Variants in ROBO2 observed in about 807,000 individuals in gnomAD.
ROBO2 encodes the protein roundabout guidance receptor 2, also known as roundabout homolog 2.
In ROBO2, 53 loss-of-function variants were observed where a neutral mutation model predicts 160.8. The ratio of observed to expected loss-of-function variants is 0.33; its 90% CI spans 0.26 to 0.41. The LOEUF is 0.41. Ranked by LOEUF, ROBO2 falls within the 10% of genes least tolerant of loss-of-function variation. The pLI is 1.00. For synonymous variants in ROBO2, 664 were observed against 611.7 expected (o/e 1.09, Z -1.26); for missense variants, 1,577 against 1,722.4 (o/e 0.92, Z 1.49).
rs2071697391 is a variant in ROBO2 at position 76,869,113 on chromosome 3, A to G, written c.110-228901A>G. Among the ~76,000 whole-genome samples the G allele has an allele frequency of 2.0e-5, 3 of 152,090 alleles. No individual in the cohort carries two copies. The South Asian group carries it at 6.2e-4, about 32-fold the overall frequency. On this transcript the variant is annotated intron_variant, in intron 2 of 26. Coordinates refer to the ROBO2 transcript ENST00000487694. ...GAATAGACACAATCATGCTTATTCT[A>G]TAAATGAAGAAACTGAGGCACAGAT...
intron 2 of ROBO2, among the ~76,000 whole-genome samples, chr3:76,061,522 C>G (rs2068068776): frequency 6.6e-6 from 1 of 152,046 alleles, no homozygotes; most frequent in Non-Finnish European, 1.5e-5. Flanking sequence ...GAGTTATAAA[C>G]AGAGTTGTTT....
chr3:76,724,452 T>C (rs2093515399), intron 2 of ROBO2, among the ~76,000 whole-genome samples: 1 of 152,206 alleles, frequency 6.6e-6, no homozygotes, highest in Non-Finnish European at 1.5e-5. Flanking sequence ...ACCATATTTG[T>C]TATTCTCCAC....
chr3:76,401,857 G>C (rs967811756), intron 2 of ROBO2, among the ~76,000 whole-genome samples: 3 of 151,422 alleles, frequency 2.0e-5, no homozygotes, highest in African/African-American at 7.3e-5. Flanking sequence ...ACATGTTCTA[G>C]TTTGCACAAT....
intron 2 of ROBO2, among the ~76,000 whole-genome samples, chr3:76,768,317 C>G (rs796316247): frequency 5.9e-5 from 9 of 151,490 alleles, no homozygotes; most frequent in African/African-American, 2.2e-4. Context: ...ATAATTTGCT[C>G]CAGGCAGCAT....
At chr3:77,162,006 A>C (rs2078536533) in intron 2 of ROBO2, among the ~76,000 whole-genome samples, 1 of 152,164 alleles carries the variant, frequency 6.6e-6, no homozygotes, top group Admixed American at 6.5e-5. Context: ...TTAAAAAGTC[A>C]TCTTTTTCTA....
intron 2 of ROBO2, among the ~76,000 whole-genome samples, chr3:76,910,719 C>A: frequency 9.5e-6 from 1 of 105,528 alleles, no homozygotes; most frequent in Non-Finnish European, 1.8e-5. Context: ...GAGTGAAACT[C>A]TGTCTCAAAA....
At chr3:76,805,103 G>T (rs2064571190) in intron 2 of ROBO2, among the ~76,000 whole-genome samples, 1 of 152,060 alleles carries the variant, frequency 6.6e-6, no homozygotes. Context: ...AAGCATAGTA[G>T]GCTCAGGGTA....
intron 1 of ROBO2, among the ~76,000 whole-genome samples, chr3:75,915,505 G>A (rs1027185662): frequency 6.6e-6 from 1 of 152,184 alleles, no homozygotes; most frequent in African/African-American, 2.4e-5. Flanking sequence ...ATAGTTCACA[G>A]TATTGTAACT....
intron 2 of ROBO2, among the ~76,000 whole-genome samples, chr3:76,962,436 C>T (rs1205244216): frequency 2.0e-5 from 3 of 151,870 alleles, no homozygotes; most frequent in South Asian, 4.2e-4. Context: ...GTCAGGATTT[C>T]GAGACCAGCC....
intron 2 of ROBO2, among the ~76,000 whole-genome samples, chr3:76,735,696 A>T (rs946133431): frequency 1.4e-5 from 2 of 144,686 alleles, no homozygotes; most frequent in Admixed American, 7.1e-5. Context: ...CAGGAGGCAG[A>T]GAATGCAGTG....
chr3:76,863,455 A>AAAAAG (rs1553665913), intron 2 of ROBO2, among the ~76,000 whole-genome samples: 1 of 150,828 alleles, frequency 6.6e-6, no homozygotes, highest in African/African-American at 2.4e-5. Flanking sequence ...AAGAAAAAAG[A>AAAAAG]AAAGAAAAGA....
intron 2 of ROBO2, among the ~76,000 whole-genome samples, chr3:76,466,633 A>T (rs1034634615): frequency 6.6e-6 from 1 of 151,852 alleles, no homozygotes; most frequent in African/African-American, 2.4e-5. Flanking sequence ...GCTTCTAGAG[A>T]CTATTTTTTG....
intron 2 of ROBO2, among the ~76,000 whole-genome samples, chr3:76,443,049 G>A (rs535825308): frequency 2.0e-5 from 3 of 152,056 alleles, no homozygotes; most frequent in Admixed American, 2.0e-4. Flanking sequence ...TACTTCTGGT[G>A]AGGGCCTCAG....
chr3:76,037,212 T>C (rs942109239), intron 2 of ROBO2, among the ~76,000 whole-genome samples: 1 of 151,858 alleles, frequency 6.6e-6, no homozygotes, highest in African/African-American at 2.4e-5. Flanking sequence ...CTGTATTCAG[T>C]GGTAGAAACA....
At chr3:76,818,134 C>G (rs531543394) in intron 2 of ROBO2, among the ~76,000 whole-genome samples, 5 of 152,028 alleles carry the variant, frequency 3.3e-5, no homozygotes, top group Admixed American at 2.6e-4. Context: ...AAAAGTGTTT[C>G]CTTTTTACCA....
At chr3:77,488,589 T>C (rs972226062) in intron 4 of ROBO2, among the ~76,000 whole-genome samples, 2 of 152,228 alleles carry the variant, frequency 1.3e-5, no homozygotes, top group Non-Finnish European at 2.9e-5. Flanking sequence ...TTAATAGATA[T>C]TGAGTGTGAT....
At chr3:76,951,338 A>G (rs2078942044) in intron 2 of ROBO2, among the ~76,000 whole-genome samples, 1 of 152,190 alleles carries the variant, frequency 6.6e-6, no homozygotes, top group African/African-American at 2.4e-5. Context: ...TCTTCTATCT[A>G]ACGGATCTCT....
At chr3:76,139,847 A>C (rs1234347638) in intron 2 of ROBO2, among the ~76,000 whole-genome samples, 1 of 152,100 alleles carries the variant, frequency 6.6e-6, no homozygotes, top group South Asian at 2.1e-4. Flanking sequence ...ATCTCATATT[A>C]GAACTAATGG....
At chr3:76,263,982 C>T (rs1432934536) in intron 2 of ROBO2, among the ~76,000 whole-genome samples, 1 of 152,110 alleles carries the variant, frequency 6.6e-6, no homozygotes, top group Non-Finnish European at 1.5e-5. Flanking sequence ...GAAAACCAAA[C>T]TCCACATGTT....
Sources: allele counts gnomAD v4.1 joint callset (sites outside exome capture counted in the v4.1 genomes callset), GRCh38; gene constraint gnomAD v4.1.1; transcripts MANE v1.5; gene names NCBI Gene and HGNC (gene_info 2026-07-23, HGNC 2026-07-21).